The following GRIA3 variants were observed in gnomAD, a reference collection of about 807,000 sequenced individuals.
GRIA3 encodes the protein glutamate receptor 3.
In GRIA3, 3 loss-of-function variants were observed where a neutral mutation model predicts 63.0. The observed-to-expected ratio is 0.05, with a 90% CI of 0.02 to 0.12. The LOEUF (loss-of-function observed/expected upper bound fraction) is 0.12. GRIA3 is among the 10% of genes least tolerant of loss of function. The pLI is 1.00. For missense variants in GRIA3, 347 were observed against 700.9 expected (o/e 0.50, Z 5.70); for synonymous variants, 274 against 257.9 (o/e 1.06, Z -0.60).
intron 12 of GRIA3, among the ~76,000 whole-genome samples, chrX:123,442,647 T>C (rs999486657): frequency 9.0e-6 from 1 of 111,521 alleles, no homozygotes; most frequent in African/African-American, 3.3e-5. Context: ...ACACTGTGTA[T>C]ATAAAATCAT....
intron 3 of GRIA3, among the ~76,000 whole-genome samples, chrX:123,325,653 T>C (rs184761052): frequency 5.3e-4 from 59 of 112,191 alleles, no homozygotes; most frequent in African/African-American, 1.8e-3. Context: ...ACAATGCTTA[T>C]ATAGAAGATG....
At chrX:123,434,500 C>G in intron 12 of GRIA3, among the ~76,000 whole-genome samples, 1 of 111,873 alleles carries the variant, frequency 8.9e-6, no homozygotes. Flanking sequence ...GCTGTACATA[C>G]TACTTGGCAG....
intron 12 of GRIA3, among the ~76,000 whole-genome samples, chrX:123,453,860 C>A (rs910099440): frequency 9.0e-6 from 1 of 111,460 alleles, no homozygotes; most frequent in Non-Finnish European, 1.9e-5. Context: ...GTACTACCCA[C>A]GCAGGGGAGT....
At chrX:123,217,485 G>T (rs769204879) in intron 2 of GRIA3, among the ~76,000 whole-genome samples, 1 of 111,706 alleles carries the variant, frequency 9.0e-6, no homozygotes, top group East Asian at 2.8e-4. Context: ...AGAAATGCCA[G>T]CCGACCAGGC....
intron 13 of GRIA3, among the ~76,000 whole-genome samples, chrX:123,473,329 C>T (rs1296767598): frequency 1.8e-5 from 2 of 112,450 alleles, no homozygotes; most frequent in Non-Finnish European, 3.8e-5. Context: ...CTTCATTATA[C>T]ATATCCCAGG....
In GRIA3 at chrX:123,290,619, TG is replaced by T. The variant is rs1243487267; in HGVS notation, c.509-35406del. ...GTGTGTGTGTGTGTGTGTGTGTGTG[TG>T]TGTGTGTGTAAGGGTATATGTATAA... On this transcript the variant is annotated intron_variant, in intron 3 of 15. Transcript: ENST00000620443. Among the ~76,000 whole-genome samples the T allele has an allele frequency of 3.2e-5, 3 of 94,272 alleles. No homozygotes were observed. In the Admixed American group the frequency reaches 3.5e-4, roughly 11 times the overall value. The allele number at this position is 94,272 out of a possible 115,157, so 81.9% of individuals were successfully genotyped here.
At chrX:123,259,614 C>A (rs1252192732) in intron 3 of GRIA3, among the ~76,000 whole-genome samples, 1 of 111,931 alleles carries the variant, frequency 8.9e-6, no homozygotes, top group Non-Finnish European at 1.9e-5. Flanking sequence ...ACTGCCATTT[C>A]TTAAGCACTT....
intron 3 of GRIA3, among the ~76,000 whole-genome samples, chrX:123,316,640 G>A (rs144315187): frequency 0.011 from 1,207 of 112,408 alleles, 18 homozygotes; most frequent in African/African-American, 0.037. Context: ...TCATGTTGCA[G>A]AATAGTTAAA....
At chrX:123,406,980 G>T (rs750242150) in intron 10 of GRIA3, among the ~76,000 whole-genome samples, 137 of 111,713 alleles carry the variant, frequency 1.2e-3, no homozygotes, top group African/African-American at 4.4e-3. Context: ...GCTCACCCTT[G>T]CTCTTGGCAC....
At position 123,184,334 on chromosome X, in the gene GRIA3, G is replaced by A. The variant is rs964445004; in HGVS notation, c.-202G>A. 1 of 459,807 alleles carries A rather than the reference G, an allele frequency of 2.2e-6. No homozygotes were observed. Among genetic ancestry groups the A allele is most frequent in the Non-Finnish European group, 3.8e-6 (1 of 259,994 alleles). The allele number at this position is 459,807 out of a possible 1,213,427, so 37.9% of individuals were successfully genotyped here. ...CGAGCGAATAAGAGAGAGAGTAAGAGGGAGAGAGAAGAAGAGGAAGAAGAG... is the reference window on the plus strand; with the variant it reads ...CGAGCGAATAAGAGAGAGAGTAAGAAGGAGAGAGAAGAAGAGGAAGAAGAG... On this transcript the variant is annotated 5_prime_UTR_variant, in exon 1 of 16. Coordinates refer to ENST00000620443, the MANE Select transcript of GRIA3 (RefSeq NM_007325.5).
chrX:123,470,670 A>G (rs972597545), intron 13 of GRIA3, among the ~76,000 whole-genome samples: 4 of 111,755 alleles, frequency 3.6e-5, no homozygotes, highest in Non-Finnish European at 7.5e-5. Context: ...TGTATTTCCC[A>G]TTGGTATACA....
chrX:123,453,578 G>C (rs1022067779), intron 12 of GRIA3, among the ~76,000 whole-genome samples: 1 of 109,995 alleles, frequency 9.1e-6, no homozygotes, highest in Admixed American at 9.7e-5. Context: ...AATAGGTTCT[G>C]CAATCTAAAG....
At chrX:123,446,176 T>C (rs948490270) in intron 12 of GRIA3, among the ~76,000 whole-genome samples, 1 of 112,313 alleles carries the variant, frequency 8.9e-6, no homozygotes, top group African/African-American at 3.2e-5. Context: ...TGTGCCATGT[T>C]GCTAAAACAG....
At chrX:123,379,366 A>C (rs1288562949) in intron 5 of GRIA3, among the ~76,000 whole-genome samples, 1 of 111,555 alleles carries the variant, frequency 9.0e-6, no homozygotes, top group Non-Finnish European at 1.9e-5. Context: ...CATGCTATGG[A>C]AAAGTATGGT....
chrX:123,333,394 G>C (rs2044954101), intron 4 of GRIA3, among the ~76,000 whole-genome samples: 1 of 111,605 alleles, frequency 9.0e-6, no homozygotes, highest in African/African-American at 3.3e-5. Context: ...TCCCAGACAA[G>C]AGCCAGCCAA....
At chrX:123,405,423 CT>C (rs1482968879) in intron 10 of GRIA3, among the ~76,000 whole-genome samples, 1 of 111,695 alleles carries the variant, frequency 9.0e-6, no homozygotes, top group Non-Finnish European at 1.9e-5. Flanking sequence ...TACCCTGCGT[CT>C]GTTCTTACCC....
chrX:123,285,706 A>G (rs1255302010), intron 3 of GRIA3, among the ~76,000 whole-genome samples: 1 of 110,983 alleles, frequency 9.0e-6, no homozygotes, highest in African/African-American at 3.3e-5. Context: ...TCAATGCAAC[A>G]AGAAGAGCTA....
intron 2 of GRIA3, among the ~76,000 whole-genome samples, chrX:123,225,459 A>G (rs187473298): frequency 8.9e-6 from 1 of 112,108 alleles, no homozygotes; most frequent in East Asian, 2.8e-4. Flanking sequence ...GGCATAAAAA[A>G]TGGGTTACAT....
At chrX:123,200,532 T>G (rs1472765373) in intron 2 of GRIA3, among the ~76,000 whole-genome samples, 1 of 104,925 alleles carries the variant, frequency 9.5e-6, no homozygotes, top group Non-Finnish European at 1.9e-5. Flanking sequence ...GTACATATAT[T>G]TATATATTTT....
Sources: gnomAD v4.1 joint callset for allele counts (sites outside exome capture counted in the v4.1 genomes callset) on GRCh38, gnomAD v4.1.1 for gene constraint, MANE v1.5 for transcripts, NCBI Gene and HGNC (gene_info 2026-07-23, HGNC 2026-07-21) for gene names.